The following NCK1 variants were observed in gnomAD, a reference collection of about 807,000 sequenced individuals.
The protein encoded by NCK1 is SH2/SH3 adapter protein NCK1.
In NCK1, 19 loss-of-function variants were observed where a neutral mutation model predicts 36.6. The observed-to-expected ratio is 0.52, with a 90% CI of 0.36 to 0.76. NCK1 has a LOEUF of 0.76. NCK1 is among the 30% of genes least tolerant of loss of function. NCK1 has a pLI of 0.00. For synonymous variants in NCK1, 165 were observed against 156.0 expected (o/e 1.06, Z -0.43); for missense variants, 358 against 445.6 (o/e 0.80, Z 1.77).
chr3:136,905,445 A>C (rs1294421403), intron 1 of NCK1, among the ~76,000 whole-genome samples: 1 of 150,570 alleles, frequency 6.6e-6, no homozygotes, highest in African/African-American at 2.4e-5. Flanking sequence ...TTTTTGAGAC[A>C]GAGATGGGGT....
intron 2 of NCK1, among the ~76,000 whole-genome samples, chr3:136,939,597 C>A (rs1940617639): frequency 6.6e-6 from 1 of 151,848 alleles, no homozygotes; most frequent in African/African-American, 2.4e-5. Context: ...CTATAAATTT[C>A]CCTCTGAGCA....
chr3:136,919,671 T>C (rs1940055335), intron 1 of NCK1, among the ~76,000 whole-genome samples: 1 of 152,202 alleles, frequency 6.6e-6, no homozygotes, highest in East Asian at 1.9e-4. Flanking sequence ...GGTATAGCTA[T>C]ATATTAATGA....
At chr3:136,912,212 G>T (rs1311405150) in intron 1 of NCK1, among the ~76,000 whole-genome samples, 1 of 145,224 alleles carries the variant, frequency 6.9e-6, no homozygotes, top group Non-Finnish European at 1.5e-5. Context: ...ACCCAGGCTG[G>T]AGTGCAGTGG....
At chr3:136,881,214 C>T (rs750405087) in intron 1 of NCK1, among the ~76,000 whole-genome samples, 8 of 151,822 alleles carry the variant, frequency 5.3e-5, no homozygotes, top group Non-Finnish European at 1.2e-4. Context: ...CACTATTGGC[C>T]TCTTATTTTA....
Position 136,885,335 on chromosome 3 carries a change from T to C in NCK1, c.-19+22982T>C, listed in dbSNP as rs566450907. Among the ~76,000 whole-genome samples the C allele has an allele frequency of 1.2e-4, 19 of 152,310 alleles. No homozygotes were observed. The South Asian group carries it at 3.7e-3, about 30-fold the overall frequency. ...AAAGGAGGGAATTGTCTTTTCCAGC[T>C]GTAATCTAGGGCACATTACTTAACT... On this transcript the variant is annotated intron_variant, in intron 1 of 3. Transcript: ENST00000481752.
intron 1 of NCK1, among the ~76,000 whole-genome samples, chr3:136,877,578 ATT>A (rs1560032360): frequency 6.6e-6 from 1 of 152,218 alleles, no homozygotes; most frequent in Non-Finnish European, 1.5e-5. Flanking sequence ...TGAAAGACAC[ATT>A]TACTTTTACT....
At chr3:136,898,186 A>G (rs1939438578) in intron 1 of NCK1, among the ~76,000 whole-genome samples, 1 of 152,170 alleles carries the variant, frequency 6.6e-6, no homozygotes, top group South Asian at 2.1e-4. Context: ...ACTTGAGGTC[A>G]GGAGTTCAAG....
At chr3:136,874,680 CT>C (rs916918503) in intron 1 of NCK1, among the ~76,000 whole-genome samples, 3 of 151,916 alleles carry the variant, frequency 2.0e-5, no homozygotes, top group Non-Finnish European at 4.4e-5. Context: ...TGTGTTAAAT[CT>C]TTTTTTTCCC....
At chr3:136,871,973 A>C (rs1938633653) in intron 1 of NCK1, among the ~76,000 whole-genome samples, 1 of 152,286 alleles carries the variant, frequency 6.6e-6, no homozygotes, top group South Asian at 2.1e-4. Context: ...TTTATTTTGT[A>C]AATTGCCCAG....
chr3:136,903,400 T>A (rs6809885), intron 1 of NCK1, among the ~76,000 whole-genome samples: 1,726 of 152,274 alleles, frequency 0.011, 23 homozygotes, highest in African/African-American at 0.04. Context: ...AAAAACATTT[T>A]AAAAAATCTA....
At chr3:136,877,301 C>T (rs576242828) in intron 1 of NCK1, among the ~76,000 whole-genome samples, 34 of 151,974 alleles carry the variant, frequency 2.2e-4, no homozygotes, top group African/African-American at 8.0e-4. Flanking sequence ...TGTTTTCTGA[C>T]GTGTTGGAAT....
chr3:136,906,507 C>G (rs1305443712), intron 1 of NCK1, among the ~76,000 whole-genome samples: 1 of 152,152 alleles, frequency 6.6e-6, no homozygotes, highest in Non-Finnish European at 1.5e-5. Flanking sequence ...CCTTGGGCTT[C>G]AGGGCAGTGT....
chr3:136,912,627 A>C (rs1939857425), intron 1 of NCK1, among the ~76,000 whole-genome samples: 1 of 146,610 alleles, frequency 6.8e-6, no homozygotes, highest in Non-Finnish European at 1.5e-5. Context: ...GTTTGTTTTT[A>C]GTTTCCTTTG....
chr3:136,909,548 A>G (rs1490869362), intron 1 of NCK1, among the ~76,000 whole-genome samples: 1 of 152,170 alleles, frequency 6.6e-6, no homozygotes, highest in Non-Finnish European at 1.5e-5. Context: ...TAAATGTCCC[A>G]TGTGCACTTG....
intron 2 of NCK1, among the ~76,000 whole-genome samples, chr3:136,935,764 AG>A (rs1253581223): frequency 1.3e-5 from 2 of 152,200 alleles, no homozygotes; most frequent in African/African-American, 2.4e-5. Flanking sequence ...TATGTAATTC[AG>A]TAGTATTGAG....
At chr3:136,903,762 C>G (rs1180713471) in intron 1 of NCK1, among the ~76,000 whole-genome samples, 1 of 95,082 alleles carries the variant, frequency 1.1e-5, no homozygotes, top group Non-Finnish European at 2.3e-5. Context: ...AAAGTTTGAT[C>G]AGTTTACATT....
chr3:136,874,394 G>GGTCTC (rs1311572514), intron 1 of NCK1, among the ~76,000 whole-genome samples: 3 of 152,146 alleles, frequency 2.0e-5, no homozygotes, highest in Non-Finnish European at 4.4e-5. Context: ...TGGGCAGGCT[G>GGTCTC]GTCTCGAAGT....
intron 1 of NCK1, among the ~76,000 whole-genome samples, chr3:136,904,306 C>T (rs530532682): frequency 8.4e-4 from 128 of 152,220 alleles, no homozygotes; most frequent in African/African-American, 3.1e-3. Flanking sequence ...GAATGTATCA[C>T]CGTGCCCAGC....
At chr3:136,889,505 G>A (rs574320382) in intron 1 of NCK1, among the ~76,000 whole-genome samples, 4 of 152,200 alleles carry the variant, frequency 2.6e-5, no homozygotes, top group East Asian at 1.9e-4. Flanking sequence ...TGCAAAGAGC[G>A]AAAGAACAAA....
Sources: gnomAD v4.1 joint callset for allele counts (sites outside exome capture counted in the v4.1 genomes callset) on GRCh38, gnomAD v4.1.1 for gene constraint, MANE v1.5 for transcripts, NCBI Gene and HGNC (gene_info 2026-07-23, HGNC 2026-07-21) for gene names.